The following RBFOX1 variants were observed in gnomAD, a reference collection of about 807,000 sequenced individuals.
RBFOX1 encodes RNA binding fox-1 homolog 1, also known as RNA binding protein fox-1 homolog 1.
A neutral mutation model predicts 57.7 loss-of-function variants in RBFOX1; 8 were observed. The ratio of observed to expected loss-of-function variants is 0.14; its 90% confidence interval spans 0.08 to 0.25. The LOEUF is 0.25. RBFOX1 is among the 10% of genes least tolerant of loss of function. The pLI is 1.00. For synonymous variants in RBFOX1, 326 were observed against 222.4 expected (o/e 1.47, Z -4.15); for missense variants, 611 against 548.5 (o/e 1.11, Z -1.14).
chr16:5,318,979 T>C (rs2064320649), intron 1 of RBFOX1, among the ~76,000 whole-genome samples: 1 of 151,830 alleles, frequency 6.6e-6, no homozygotes, highest in South Asian at 2.1e-4. Flanking sequence ...TACAAAAAAT[T>C]AGCTGGGCAT....
Position 6,491,455 on chromosome 16 carries a change from T to C in RBFOX1, c.-63-163148T>C, listed in dbSNP as rs8046734. ...AAATTTTCTTAGGAATCTAAACATA[T>C]AGAAGTTACATCAATGTTATAAGTG... On this transcript the variant is annotated intron_variant, in intron 2 of 15. Coordinates refer to ENST00000550418, the MANE Select transcript of RBFOX1 (RefSeq NM_018723.4). 1.2e-3 allele frequency among the ~76,000 whole-genome samples: 180 copies of C among 152,068 alleles called. 1 individual carries two copies. The highest frequency in any genetic ancestry group is 6.3e-3 in the Admixed American group (97 of 15,280).
At chr16:7,696,592 G>C (rs1218142751) in intron 14 of RBFOX1, among the ~76,000 whole-genome samples, 1 of 151,202 alleles carries the variant, frequency 6.6e-6, no homozygotes, top group Non-Finnish European at 1.5e-5. Context: ...GTCAGGAACT[G>C]TTCTAAGCCC....
intron 1 of RBFOX1, among the ~76,000 whole-genome samples, chr16:6,244,342 A>G (rs897097002): frequency 1.3e-5 from 2 of 152,116 alleles, no homozygotes; most frequent in Non-Finnish European, 2.9e-5. Flanking sequence ...TTCAAATCTC[A>G]GTGTCTCACT....
chr16:7,139,888 C>G (rs956732833), intron 4 of RBFOX1, among the ~76,000 whole-genome samples: 2 of 151,826 alleles, frequency 1.3e-5, no homozygotes, highest in African/African-American at 4.8e-5. Context: ...ATGGGGTGAG[C>G]TTGTAAAATG....
At chr16:5,265,845 G>A (rs964149655) in intron 1 of RBFOX1, among the ~76,000 whole-genome samples, 2 of 152,172 alleles carry the variant, frequency 1.3e-5, no homozygotes, top group Non-Finnish European at 2.9e-5. Flanking sequence ...GTCTCCAGAT[G>A]TGTGTATCTG....
intron 1 of RBFOX1, among the ~76,000 whole-genome samples, chr16:5,350,809 GA>G (rs1211875549): frequency 5.3e-5 from 8 of 152,310 alleles, no homozygotes; most frequent in African/African-American, 1.9e-4. Flanking sequence ...AGGTTGCAGT[GA>G]GCCGATATTG....
intron 2 of RBFOX1, among the ~76,000 whole-genome samples, chr16:6,511,474 CAT>C (rs2096253874): frequency 6.6e-6 from 1 of 152,186 alleles, no homozygotes; most frequent in Non-Finnish European, 1.5e-5. Context: ...AATTTTAAAA[CAT>C]GCGCTTTTAG....
chr16:6,970,517 C>G (rs1349419965), intron 3 of RBFOX1, among the ~76,000 whole-genome samples: 2 of 152,116 alleles, frequency 1.3e-5, no homozygotes, highest in Non-Finnish European at 2.9e-5. Context: ...TCAGAGACAT[C>G]AGTAGATTCA....
intron 2 of RBFOX1, among the ~76,000 whole-genome samples, chr16:6,614,452 C>T (rs2098115398): frequency 6.6e-6 from 1 of 152,152 alleles, no homozygotes; most frequent in African/African-American, 2.4e-5. Flanking sequence ...TTTTTCCTGC[C>T]CAGTTAATCT....
At chr16:7,515,793 G>T (rs183601490) in intron 4 of RBFOX1, among the ~76,000 whole-genome samples, 1 of 152,084 alleles carries the variant, frequency 6.6e-6, no homozygotes, top group African/African-American at 2.4e-5. Flanking sequence ...TTTTCCTCTA[G>T]GTTGGCCTCA....
intron 3 of RBFOX1, among the ~76,000 whole-genome samples, chr16:5,780,900 A>G (rs958389365): frequency 5.3e-5 from 8 of 152,218 alleles, no homozygotes; most frequent in African/African-American, 1.2e-4. Flanking sequence ...AGCAGAATCT[A>G]TTATACCGTG....
At chr16:7,337,535 G>A (rs1376232289) in intron 4 of RBFOX1, among the ~76,000 whole-genome samples, 1 of 152,144 alleles carries the variant, frequency 6.6e-6, no homozygotes, top group Non-Finnish European at 1.5e-5. Context: ...TAGATCTCAA[G>A]AGTGAAAAAA....
At chr16:6,469,002 C>T (rs923318983) in intron 2 of RBFOX1, among the ~76,000 whole-genome samples, 2 of 151,976 alleles carry the variant, frequency 1.3e-5, no homozygotes, top group Non-Finnish European at 2.9e-5. Flanking sequence ...TCTTAGGAAC[C>T]AGAAGCCCCA....
At chr16:5,569,914 G>A (rs750464520) in intron 2 of RBFOX1, among the ~76,000 whole-genome samples, 1 of 152,190 alleles carries the variant, frequency 6.6e-6, no homozygotes, top group Non-Finnish European at 1.5e-5. Flanking sequence ...AAGACGTAAT[G>A]TCAGTCATAT....
intron 4 of RBFOX1, among the ~76,000 whole-genome samples, chr16:7,449,451 C>G: frequency 6.6e-6 from 1 of 152,092 alleles, no homozygotes; most frequent in East Asian, 1.9e-4. Context: ...GTGAGCCCTG[C>G]TTAGTTATCA....
At chr16:6,758,433 A>C (rs1272724628) in intron 3 of RBFOX1, among the ~76,000 whole-genome samples, 2 of 152,170 alleles carry the variant, frequency 1.3e-5, no homozygotes, top group South Asian at 2.1e-4. Context: ...AGAGTTGACA[A>C]ATTACAATTG....
At chr16:6,207,093 T>C (rs1184577160) in intron 1 of RBFOX1, among the ~76,000 whole-genome samples, 3 of 152,132 alleles carry the variant, frequency 2.0e-5, no homozygotes, top group Non-Finnish European at 4.4e-5. Flanking sequence ...ATTTTAGCTA[T>C]GACCCCCTGC....
At chr16:6,761,081 G>T (rs1353618476) in intron 3 of RBFOX1, among the ~76,000 whole-genome samples, 6 of 152,282 alleles carry the variant, frequency 3.9e-5, no homozygotes, top group Non-Finnish European at 8.8e-5. Context: ...TTGATTAGTA[G>T]GGGGCTATCA....
chr16:5,936,278 C>T (rs377645807), intron 4 of RBFOX1, among the ~76,000 whole-genome samples: 1 of 152,102 alleles, frequency 6.6e-6, no homozygotes, highest in Non-Finnish European at 1.5e-5. Context: ...CATGTGCCAA[C>T]GTGCCTGGCT....
Sources: gnomAD v4.1 joint callset for allele counts (sites outside exome capture counted in the v4.1 genomes callset) on GRCh38, gnomAD v4.1.1 for gene constraint, MANE v1.5 for transcripts, NCBI Gene and HGNC (gene_info 2026-07-23, HGNC 2026-07-21) for gene names.